Variants in NAV2 observed in about 807,000 individuals in gnomAD.
The protein encoded by NAV2 is neuron navigator 2, also known as helicase, APC down-regulated 1.
Under a neutral mutation model 223.2 loss-of-function variants are expected in NAV2, and 54 were observed. The ratio of observed to expected loss-of-function variants is 0.24; its 90% confidence interval spans 0.19 to 0.30. NAV2 has a LOEUF of 0.30. Ranked by LOEUF, NAV2 falls within the 10% of genes least tolerant of loss-of-function variation. The probability of loss-of-function intolerance (pLI) is 1.00; values close to 1 mark genes in which losing one functional copy is unlikely to be tolerated. For missense variants in NAV2, 2,806 were observed against 3,147.5 expected, an observed-to-expected ratio of 0.89 and a Z score of 2.60; for synonymous variants, 1,279 against 1,239.3, an observed-to-expected ratio of 1.03 and a Z score of -0.67.
At chr11:19,890,549 A>G (rs1200115364) in intron 5 of NAV2, among the ~76,000 whole-genome samples, 1 of 152,158 alleles carries the variant, frequency 6.6e-6, no homozygotes, top group Non-Finnish European at 1.5e-5. Context: ...TTGCTCTGAC[A>G]TCATCTTGGA....
intron 36 of NAV2, among the ~76,000 whole-genome samples, chr11:20,112,055 A>C (rs956283861): frequency 3.9e-5 from 6 of 152,190 alleles, no homozygotes; most frequent in African/African-American, 9.7e-5. Context: ...GTTCAGCCTC[A>C]TGTGAGGTCT....
intron 31 of NAV2, among the ~76,000 whole-genome samples, chr11:20,098,268 GA>G (rs1004434276): frequency 1.3e-5 from 2 of 150,318 alleles, no homozygotes; most frequent in Non-Finnish European, 1.5e-5. Flanking sequence ...GTTCACTGAG[GA>G]AAAAAAAAGC....
chr11:19,350,424 G>A (rs1333919614), upstream of NAV2, among the ~76,000 whole-genome samples: 1 of 152,246 alleles, frequency 6.6e-6, no homozygotes, highest in East Asian at 1.9e-4. Flanking sequence ...GGGAGCCACC[G>A]CTGTGATGAA....
rs2057714074 is a variant in NAV2, at chr11:20,048,865, TGAGCAGTGG to T, written c.4047_4055del (p.Gly1350_Ser1352del). 1.2e-6 allele frequency: 2 copies of T among 1,614,172 alleles called. No individual in the cohort carries two copies. The highest frequency in any genetic ancestry group is 8.5e-7 in the Non-Finnish European group (1 of 1,180,024). On this transcript the variant is annotated inframe_deletion, in exon 15 of 38. Coordinates refer to ENST00000349880, the MANE Select transcript of NAV2 (RefSeq NM_145117.5). ...GACTCCCCGTCAGGCAGTGGCGTCC[TGAGCAGTGG>T]GAGCAGCAGTCCTCTCTACAGCAAG...
At chr11:19,599,901 G>A (rs1342812629) in intron 1 of NAV2, among the ~76,000 whole-genome samples, 1 of 152,100 alleles carries the variant, frequency 6.6e-6, no homozygotes, top group African/African-American at 2.4e-5. Context: ...AGCCTCAATG[G>A]GTATATCTCT....
chr11:19,846,984 A>C (rs1210948219), intron 3 of NAV2, among the ~76,000 whole-genome samples: 1 of 152,006 alleles, frequency 6.6e-6, no homozygotes, highest in African/African-American at 2.4e-5. Flanking sequence ...TCCCCCACCA[A>C]ATTCATCCCC....
intron 14 of NAV2, 29 bp downstream of exon 14, chr11:20,045,699 A>C: frequency 6.5e-7 from 1 of 1,546,224 alleles, no homozygotes; most frequent in South Asian, 1.1e-5. Context: ...GGTGCAGAGC[A>C]GAACCAGAAT....
intron 1 of NAV2, among the ~76,000 whole-genome samples, chr11:19,724,656 T>G (rs1014380300): frequency 1.3e-5 from 2 of 152,272 alleles, no homozygotes; most frequent in South Asian, 4.1e-4. Flanking sequence ...ACACTTTACA[T>G]ACATTATCCC....
At chr11:19,483,356 G>T (rs1004844827) in intron 1 of NAV2, among the ~76,000 whole-genome samples, 3 of 152,126 alleles carry the variant, frequency 2.0e-5, no homozygotes, top group Non-Finnish European at 4.4e-5. Context: ...CCCACCCATT[G>T]GTCACTTGGT....
At chr11:19,967,368 G>C (rs2048856308) in intron 10 of NAV2, among the ~76,000 whole-genome samples, 1 of 150,652 alleles carries the variant, frequency 6.6e-6, no homozygotes, top group African/African-American at 2.5e-5. Flanking sequence ...TATTCTCGGT[G>C]CTAGGTTTTA....
chr11:19,847,848 A>G (rs1339833177), intron 3 of NAV2, among the ~76,000 whole-genome samples: 2 of 152,328 alleles, frequency 1.3e-5, no homozygotes, highest in Non-Finnish European at 2.9e-5. Flanking sequence ...TTCTCCTGGC[A>G]TATAATCAGC....
intron 1 of NAV2, among the ~76,000 whole-genome samples, chr11:19,811,868 T>G (rs1345208254): frequency 6.6e-6 from 1 of 152,188 alleles, no homozygotes; most frequent in Non-Finnish European, 1.5e-5. Context: ...TCCTACTATG[T>G]GCTATGCCCT....
chr11:19,925,972 A>T (rs1042930025), intron 6 of NAV2, among the ~76,000 whole-genome samples: 11 of 152,132 alleles, frequency 7.2e-5, no homozygotes, highest in Admixed American at 7.2e-4. Flanking sequence ...CTTTTAAAAA[A>T]TTACTTTAAC....
chr11:19,801,792 T>G (rs2058281385), intron 1 of NAV2, among the ~76,000 whole-genome samples: 1 of 152,150 alleles, frequency 6.6e-6, no homozygotes, highest in African/African-American at 2.4e-5. Flanking sequence ...TGAGCTCCTA[T>G]TTTTTCAAAA....
chr11:19,765,112 T>C (rs1046973255), intron 1 of NAV2, among the ~76,000 whole-genome samples: 1 of 152,134 alleles, frequency 6.6e-6, no homozygotes, highest in African/African-American at 2.4e-5. Context: ...CATTAACAGA[T>C]TTACATCAGG....
chr11:19,418,937 A>G (rs187058448), intron 1 of NAV2, among the ~76,000 whole-genome samples: 1 of 152,276 alleles, frequency 6.6e-6, no homozygotes, highest in African/African-American at 2.4e-5. Context: ...GATTCCAGAC[A>G]TAGATGACCT....
intron 1 of NAV2, among the ~76,000 whole-genome samples, chr11:19,586,579 G>A (rs1237181575): frequency 6.6e-6 from 1 of 152,300 alleles, no homozygotes; most frequent in East Asian, 1.9e-4. Flanking sequence ...CTTTCTGTTT[G>A]TTAGTTTTCC....
At chr11:20,103,168 C>G in intron 32 of NAV2, 87 bp from the exon 33 acceptor site, 1 of 1,344,396 alleles carries the variant, frequency 7.4e-7, no homozygotes, top group South Asian at 1.4e-5. Context: ...CCTCCACTGG[C>G]CTGGGTGAGG....
At position 19,584,978 on chromosome 11, in the gene NAV2, G is replaced by A. The variant is rs551459611; in HGVS notation, c.75+233951G>A. On this transcript the variant is annotated intron_variant, in intron 1 of 37. Transcript: ENST00000360655. ...CGATCTGTCTAATGTTGACAGTGGGGTGTTAAAGTCTCCCATTATTATTGT... is the reference window on the plus strand; with the variant it reads ...CGATCTGTCTAATGTTGACAGTGGGATGTTAAAGTCTCCCATTATTATTGT... 2.2e-3 allele frequency among the ~76,000 whole-genome samples: 62 copies of A among 28,772 alleles called. 2 individuals are homozygous for A. Among genetic ancestry groups the A allele is most frequent in the African/African-American group, 3.9e-3 (52 of 13,486 alleles). The allele number at this position is 28,772 out of a possible 152,430, so 18.9% of individuals were successfully genotyped here.
Sources: gnomAD v4.1 joint callset for allele counts (sites outside exome capture counted in the v4.1 genomes callset) on GRCh38, gnomAD v4.1.1 for gene constraint, MANE v1.5 for transcripts, NCBI Gene and HGNC (gene_info 2026-07-23, HGNC 2026-07-21) for gene names.